MYO1E: variants seen among roughly 807,000 people sequenced by gnomAD.
The protein encoded by MYO1E is myosin IE, also known as unconventional myosin-Ie.
A neutral mutation model predicts 151.1 loss-of-function variants in MYO1E; 68 were observed. That is an observed-to-expected ratio of 0.45 (90% CI 0.37 to 0.55). The LOEUF (loss-of-function observed/expected upper bound fraction) is 0.55, where lower values mean the gene tolerates loss of function less well. Ranked by LOEUF, MYO1E falls within the 20% of genes least tolerant of loss-of-function variation. The probability of loss-of-function intolerance (pLI) is 0.00; values close to 1 mark genes in which losing one functional copy is unlikely to be tolerated. For missense variants in MYO1E, 1,363 were observed against 1,389.3 expected (o/e 0.98, Z 0.30); for synonymous variants, 601 against 501.7 (o/e 1.20, Z -2.64).
At chr15:59,307,925 C>T (rs2080524590) in intron 1 of MYO1E, among the ~76,000 whole-genome samples, 1 of 145,458 alleles carries the variant, frequency 6.9e-6, no homozygotes, top group Non-Finnish European at 1.5e-5. Flanking sequence ...GAGTTTAAAA[C>T]AAATCCTTGG....
intron 10 of MYO1E, among the ~76,000 whole-genome samples, chr15:59,216,797 A>G (rs201814168): frequency 1.6e-3 from 237 of 150,962 alleles, no homozygotes; most frequent in Non-Finnish European, 2.7e-3. Context: ...TCCTTCCTCT[A>G]AAAGGTGGAG....
chr15:59,307,339 C>T lies in MYO1E; in HGVS notation c.4-34890G>A, dbSNP rs189689996. 9.9e-4 allele frequency among the ~76,000 whole-genome samples: 151 copies of T among 152,286 alleles called. 1 individual carries two copies. Among genetic ancestry groups the T allele is most frequent in the Admixed American group, 3.6e-3 (55 of 15,292 alleles). On this transcript the variant is annotated intron_variant, in intron 1 of 27. Coordinates refer to ENST00000288235, the MANE Select transcript of MYO1E (RefSeq NM_004998.4). ...CCTGGGCCCGGGGAGGATGAGGTTC[C>T]GCACAGTCGTTTTCTATTGGAAGGA...
chr15:59,173,846 T>C lies in MYO1E; in HGVS notation c.2234A>G (p.Tyr745Cys), dbSNP rs757222135. The C allele has an allele frequency of 1.9e-6, 3 of 1,614,096 alleles. No individual in the cohort carries two copies. The highest frequency in any genetic ancestry group is 1.7e-6 in the Non-Finnish European group (2 of 1,179,972). ...TTCTGGGTGCTCTTCCATCCCAATA[T>C]AATCCCCTATAAAGTTCCTGTTAAT... ...NSINRNFIGDYIGMEEHPELQ... is the reference protein window; with the variant it reads ...NSINRNFIGDCIGMEEHPELQ... Residue 745 changes from tyrosine (Y) to cysteine (C), a missense_variant, in exon 21 of 28, where the codon TAT becomes TGT. Tyr to Cys is a radical substitution (Grantham distance 194). Coordinates refer to ENST00000288235, the MANE Select transcript of MYO1E (RefSeq NM_004998.4).
intron 22 of MYO1E, among the ~76,000 whole-genome samples, chr15:59,164,677 CA>C (rs1213494615): frequency 6.6e-6 from 1 of 152,216 alleles, no homozygotes; most frequent in Non-Finnish European, 1.5e-5. Flanking sequence ...GCCCCATTCA[CA>C]GGTCAAGGTA....
chr15:59,316,037 T>C (rs1596413963), intron 1 of MYO1E, among the ~76,000 whole-genome samples: 2 of 152,058 alleles, frequency 1.3e-5, no homozygotes. Flanking sequence ...TGGCTCGTGG[T>C]GATTCTGAGA....
intron 16 of MYO1E, 41 bp downstream of exon 16, chr15:59,202,285 G>C: frequency 6.4e-7 from 1 of 1,558,170 alleles, no homozygotes; most frequent in South Asian, 1.1e-5. Flanking sequence ...GAAAGCGCTA[G>C]CCCTTATAAG....
chr15:59,204,681 G>A (rs983177095), intron 15 of MYO1E, among the ~76,000 whole-genome samples: 1 of 152,120 alleles, frequency 6.6e-6, no homozygotes, highest in Non-Finnish European at 1.5e-5. Flanking sequence ...GCTGAAACAG[G>A]GTCTTGGGAG....
intron 1 of MYO1E, among the ~76,000 whole-genome samples, chr15:59,289,192 TGCTTCCA>T (rs1320938691): frequency 6.6e-6 from 1 of 152,224 alleles, no homozygotes; most frequent in Non-Finnish European, 1.5e-5. Flanking sequence ...TGCAGCTCTC[TGCTTCCA>T]GTCCCTCCTG....
chr15:59,236,162 T>C (rs1158613816), intron 5 of MYO1E, among the ~76,000 whole-genome samples: 7 of 151,788 alleles, frequency 4.6e-5, no homozygotes, highest in Non-Finnish European at 1.5e-5. Flanking sequence ...GCCAACATAG[T>C]GAAACCCCCG....
chr15:59,187,307 G>C (rs1350505630), intron 18 of MYO1E, among the ~76,000 whole-genome samples: 1 of 152,126 alleles, frequency 6.6e-6, no homozygotes, highest in Admixed American at 6.5e-5. Context: ...TCTCCAAAGA[G>C]GAAATACAAA....
chr15:59,315,239 C>T (rs1423114194), intron 1 of MYO1E, among the ~76,000 whole-genome samples: 4 of 152,092 alleles, frequency 2.6e-5, no homozygotes, highest in Non-Finnish European at 5.9e-5. Flanking sequence ...GCTTCCATTA[C>T]ATGTGCCCCC....
intron 2 of MYO1E, among the ~76,000 whole-genome samples, chr15:59,270,714 C>T (rs1596394003): frequency 6.6e-6 from 1 of 151,544 alleles, no homozygotes; most frequent in East Asian, 1.9e-4. Flanking sequence ...TTTTGGCTTG[C>T]TGCAATCTCT....
At chr15:59,323,851 T>TG (rs1434045096) in intron 1 of MYO1E, among the ~76,000 whole-genome samples, 1 of 151,844 alleles carries the variant, frequency 6.6e-6, no homozygotes, top group Middle Eastern at 3.2e-3. Flanking sequence ...TAAGAGCCCC[T>TG]GGGGGGCTGT....
chr15:59,248,716 G>A (rs1435802526), intron 4 of MYO1E, among the ~76,000 whole-genome samples: 1 of 152,118 alleles, frequency 6.6e-6, no homozygotes, highest in Non-Finnish European at 1.5e-5. Flanking sequence ...AAACAGCAGA[G>A]ATGGGGGGTT....
rs1442523618 is a variant in MYO1E at position 59,133,881 on chromosome 15, AG to A, written c.*3498del. ...TCCACTCAGGGAGGGTCTGGGGATG[AG>A]TTCAGGAGGGAGTCGCAAAGAGAAG... On this transcript the variant is annotated 3_prime_UTR_variant, in exon 28 of 28. Transcript: ENST00000288235. The A allele has an allele frequency of 6.6e-6, 1 of 152,266 alleles. No homozygotes were observed. 9.4% of individuals were successfully genotyped at this position (152,266 alleles called of 1,614,324 possible).
intron 26 of MYO1E, among the ~76,000 whole-genome samples, chr15:59,141,942 C>T (rs2079412461): frequency 6.6e-6 from 1 of 151,294 alleles, no homozygotes; most frequent in Non-Finnish European, 1.5e-5. Flanking sequence ...CCCGTCTCTA[C>T]TAAAAATACA....
intron 1 of MYO1E, among the ~76,000 whole-genome samples, chr15:59,273,251 G>C (rs1342806160): frequency 1.3e-5 from 2 of 152,168 alleles, no homozygotes; most frequent in African/African-American, 4.8e-5. Context: ...TGAACACTCT[G>C]TGGGCTGCAG....
At chr15:59,296,214 G>A (rs1348759869) in intron 1 of MYO1E, among the ~76,000 whole-genome samples, 18 of 152,184 alleles carry the variant, frequency 1.2e-4, no homozygotes, top group Admixed American at 1.1e-3. Flanking sequence ...TAAGTAAGAC[G>A]AGGAATTACA....
intron 6 of MYO1E, among the ~76,000 whole-genome samples, chr15:59,229,777 A>T (rs2140353693): frequency 6.6e-6 from 1 of 152,268 alleles, no homozygotes; most frequent in East Asian, 1.9e-4. Context: ...TTCTACCCTG[A>T]TGCCACTTCT....
Sources: allele counts gnomAD v4.1 joint callset (sites outside exome capture counted in the v4.1 genomes callset), GRCh38; gene constraint gnomAD v4.1.1; transcripts MANE v1.5; gene names NCBI Gene and HGNC (gene_info 2026-07-23, HGNC 2026-07-21).